The following ATRNL1 variants were observed in gnomAD, a reference collection of about 807,000 sequenced individuals.
The protein encoded by ATRNL1 is attractin like 1, also known as attractin-like protein 1.
Under a neutral mutation model 182.7 loss-of-function variants are expected in ATRNL1, and 95 were observed. The observed-to-expected ratio is 0.52, with a 90% confidence interval of 0.44 to 0.62. The LOEUF is 0.62. ATRNL1 is among the 20% of genes least tolerant of loss of function. The pLI, the probability that ATRNL1 is intolerant of heterozygous loss-of-function variation, is 0.00. For synonymous variants in ATRNL1, 576 were observed against 568.3 expected (o/e 1.01, Z -0.19); for missense variants, 1,471 against 1,679.5 (o/e 0.88, Z 2.17).
chr10:115,691,655 T>C (rs1374728632), intron 26 of ATRNL1, among the ~76,000 whole-genome samples: 2 of 152,086 alleles, frequency 1.3e-5, no homozygotes, highest in African/African-American at 4.8e-5. Context: ...CCTGGAAGCA[T>C]AAGTTGCAGT....
chr10:115,453,681 G>T (rs1847381442), intron 21 of ATRNL1, among the ~76,000 whole-genome samples: 1 of 151,492 alleles, frequency 6.6e-6, no homozygotes. Context: ...ATCATTCTCA[G>T]TAAACTATCG....
chr10:115,526,852 G>C (rs1554986692), intron 25 of ATRNL1, among the ~76,000 whole-genome samples: 1 of 152,086 alleles, frequency 6.6e-6, no homozygotes, highest in South Asian at 2.1e-4. Flanking sequence ...AGAAAGGGAA[G>C]GTGAGTGAAA....
At chr10:115,855,507 C>G (rs1478023171) in intron 28 of ATRNL1, among the ~76,000 whole-genome samples, 1 of 152,116 alleles carries the variant, frequency 6.6e-6, no homozygotes, top group Non-Finnish European at 1.5e-5. Flanking sequence ...CTTTGAATCC[C>G]TAGCTGCTAA....
At chr10:115,621,274 T>TAGAGAGAG (rs1243070932) in intron 26 of ATRNL1, among the ~76,000 whole-genome samples, 103 of 48,162 alleles carry the variant, frequency 2.1e-3, no homozygotes, top group East Asian at 2.5e-3. Flanking sequence ...TATATATATA[T>TAGAGAGAG]ATAGAGAGAG....
intron 10 of ATRNL1, 36 bp from the exon 11 acceptor site, chr10:115,265,157 A>G (rs782436268): frequency 2.3e-6 from 3 of 1,323,290 alleles, no homozygotes; most frequent in Non-Finnish European, 3.2e-6. Flanking sequence ...TTATTCTTTT[A>G]TTTCATTTTT....
intron 27 of ATRNL1, among the ~76,000 whole-genome samples, chr10:115,787,780 C>T (rs1399409492): frequency 6.6e-6 from 1 of 152,106 alleles, no homozygotes; most frequent in African/African-American, 2.4e-5. Flanking sequence ...GACCTTTGCA[C>T]ATGTGATTAG....
intron 19 of ATRNL1, among the ~76,000 whole-genome samples, chr10:115,347,594 A>G (rs779791748): frequency 2.6e-5 from 4 of 152,136 alleles, no homozygotes; most frequent in Non-Finnish European, 5.9e-5. Context: ...AGTAGGAAAT[A>G]AATTTATATT....
chr10:115,771,510 G>A (rs542730183), intron 27 of ATRNL1, among the ~76,000 whole-genome samples: 1 of 152,272 alleles, frequency 6.6e-6, no homozygotes, highest in Non-Finnish European at 1.5e-5. Flanking sequence ...GATTACAGGC[G>A]TGAGCCACCG....
chr10:115,545,270 A>G (rs1484000881), intron 25 of ATRNL1, among the ~76,000 whole-genome samples: 1 of 148,316 alleles, frequency 6.7e-6, no homozygotes, highest in African/African-American at 2.5e-5. Flanking sequence ...AAAATCATTT[A>G]TTTAGCAAAA....
intron 21 of ATRNL1, among the ~76,000 whole-genome samples, chr10:115,457,701 C>T (rs1847596039): frequency 6.6e-6 from 1 of 152,016 alleles, no homozygotes; most frequent in South Asian, 2.1e-4. Flanking sequence ...ATGATCCCGC[C>T]ACCACATGTC....
Position 115,374,460 on chromosome 10 carries a change from C to T in ATRNL1, c.3176-20199C>T, listed in dbSNP as rs538999156. ...CTCCTTCTCCTTCCTTCCTTTCCTT[C>T]CTTCCTTCCTTCCTTCCTTCCTTCC... On this transcript the variant is annotated intron_variant, in intron 19 of 28. Transcript: ENST00000355044. Among the ~76,000 whole-genome samples the T allele has an allele frequency of 7.5e-3, 1,059 of 141,610 alleles. 9 individuals are homozygous for T. The highest frequency in any genetic ancestry group is 0.022 in the African/African-American group (861 of 39,058). 92.9% of individuals were successfully genotyped at this position (141,610 alleles called of 152,430 possible).
At chr10:115,723,826 T>A (rs1947510577) in intron 26 of ATRNL1, among the ~76,000 whole-genome samples, 1 of 152,136 alleles carries the variant, frequency 6.6e-6, no homozygotes, top group Non-Finnish European at 1.5e-5. Flanking sequence ...CCAAAGTGCT[T>A]ACAGGCGTGA....
At chr10:115,897,453 T>G (rs1442264102) in intron 28 of ATRNL1, among the ~76,000 whole-genome samples, 4 of 152,178 alleles carry the variant, frequency 2.6e-5, no homozygotes, top group Admixed American at 2.6e-4. Flanking sequence ...TCGATCCTAA[T>G]GAAAATTGAA....
At chr10:115,339,546 G>C (rs1263906214) in intron 19 of ATRNL1, among the ~76,000 whole-genome samples, 2 of 151,960 alleles carry the variant, frequency 1.3e-5, no homozygotes, top group Non-Finnish European at 2.9e-5. Context: ...ACTGATTTTT[G>C]TATGTTGATT....
At chr10:115,868,822 C>CTTTTTTTTTTTTTTTTTTTTTTTT (rs67676674) in intron 28 of ATRNL1, among the ~76,000 whole-genome samples, 13 of 58,092 alleles carry the variant, frequency 2.2e-4, no homozygotes, top group Non-Finnish European at 2.5e-4. Context: ...AGTCTTTATT[C>CTTTTTTTTTTTTTTTTTTTTTTTT]TTTTTTTTTT....
At chr10:115,530,778 C>T (rs1369030029) in intron 25 of ATRNL1, among the ~76,000 whole-genome samples, 1 of 112,248 alleles carries the variant, frequency 8.9e-6, no homozygotes, top group Non-Finnish European at 1.8e-5. Context: ...TCCCTCCCCC[C>T]TCCCCCCACC....
chr10:115,827,757 A>C (rs1199076435), intron 27 of ATRNL1, among the ~76,000 whole-genome samples: 1 of 152,182 alleles, frequency 6.6e-6, no homozygotes, highest in Non-Finnish European at 1.5e-5. Flanking sequence ...CATATGAACA[A>C]AAGCAGTTGT....
At chr10:115,883,578 A>G (rs1951876606) in intron 28 of ATRNL1, among the ~76,000 whole-genome samples, 1 of 152,282 alleles carries the variant, frequency 6.6e-6, no homozygotes, top group African/African-American at 2.4e-5. Flanking sequence ...ACATGCAGCA[A>G]TGCAGATGGA....
intron 1 of ATRNL1, among the ~76,000 whole-genome samples, chr10:115,100,172 TA>T (rs1843717944): frequency 6.6e-6 from 1 of 152,146 alleles, no homozygotes; most frequent in Admixed American, 6.5e-5. Context: ...TGTGCGCATT[TA>T]GCCCATCTAC....
Sources: allele counts gnomAD v4.1 joint callset (sites outside exome capture counted in the v4.1 genomes callset), GRCh38; gene constraint gnomAD v4.1.1; transcripts MANE v1.5; gene names NCBI Gene and HGNC (gene_info 2026-07-23, HGNC 2026-07-21).